Variants in LRP12 observed in about 807,000 individuals in gnomAD.
LRP12 encodes the protein low-density lipoprotein receptor-related protein 12.
A neutral mutation model predicts 66.0 loss-of-function variants in LRP12; 14 were observed. The observed-to-expected ratio is 0.21, with a 90% CI of 0.14 to 0.33. The LOEUF is 0.33. Among genes scored for constraint, LRP12 ranks in the 10% least tolerant of loss-of-function variants. LRP12 has a pLI of 1.00. For missense variants in LRP12, 889 were observed against 1,053.4 expected, an observed-to-expected ratio of 0.84 and a Z score of 2.16; for synonymous variants, 357 against 359.1, an observed-to-expected ratio of 0.99 and a Z score of 0.07.
chr8:104,587,012 AG>A (rs1812343454), intron 1 of LRP12, among the ~76,000 whole-genome samples: 1 of 152,174 alleles, frequency 6.6e-6, no homozygotes, highest in Non-Finnish European at 1.5e-5. Flanking sequence ...AAGCTTTGAT[AG>A]GCACCTACCA....
intron 2 of LRP12, among the ~76,000 whole-genome samples, chr8:104,510,237 G>T (rs977703173): frequency 6.6e-5 from 10 of 152,192 alleles, no homozygotes; most frequent in African/African-American, 2.4e-4. Flanking sequence ...GAAGTTAGTG[G>T]ATGATTGAAT....
intron 1 of LRP12, among the ~76,000 whole-genome samples, chr8:104,557,551 T>C (rs1194131365): frequency 1.3e-5 from 2 of 149,832 alleles, no homozygotes; most frequent in African/African-American, 4.9e-5. Flanking sequence ...AAATTAGGAA[T>C]ATACCTAACC....
At chr8:104,573,587 C>T (rs905794145) in intron 1 of LRP12, among the ~76,000 whole-genome samples, 22 of 152,050 alleles carry the variant, frequency 1.4e-4, no homozygotes, top group Admixed American at 2.0e-4. Flanking sequence ...TTTCTCCCCT[C>T]GGCATTTATT....
At chr8:104,513,121 C>G (rs1356523679) in intron 2 of LRP12, among the ~76,000 whole-genome samples, 2 of 152,074 alleles carry the variant, frequency 1.3e-5, no homozygotes, top group Non-Finnish European at 2.9e-5. Context: ...TGCTGTAGCA[C>G]AGCCATAATG....
At chr8:104,559,550 A>G (rs1811869566) in intron 1 of LRP12, among the ~76,000 whole-genome samples, 1 of 152,132 alleles carries the variant, frequency 6.6e-6, no homozygotes, top group East Asian at 1.9e-4. Context: ...AATCCCAGAA[A>G]TCACCACTAA....
intron 1 of LRP12, among the ~76,000 whole-genome samples, chr8:104,561,468 A>T (rs1271035391): frequency 1.3e-5 from 2 of 152,162 alleles, no homozygotes. Context: ...AAATCATTTC[A>T]TTAGGGTTGG....
chr8:104,552,421 G>A (rs1272875865), intron 1 of LRP12, among the ~76,000 whole-genome samples: 2 of 150,084 alleles, frequency 1.3e-5, no homozygotes, highest in Non-Finnish European at 3.0e-5. Flanking sequence ...TGTAATCCCA[G>A]CACTTTGGGA....
At chr8:104,531,458 G>A (rs1036227313) in intron 2 of LRP12, among the ~76,000 whole-genome samples, 6 of 152,048 alleles carry the variant, frequency 3.9e-5, no homozygotes, top group African/African-American at 1.2e-4. Context: ...ATACTGTGTT[G>A]CTTTTAACAG....
At chr8:104,495,950 A>G (rs1279032725) in intron 5 of LRP12, 1 of 152,116 alleles carries the variant, frequency 6.6e-6, no homozygotes, top group Non-Finnish European at 1.5e-5. Flanking sequence ...AAAAAAAGGA[A>G]AAAAAAGAAA....
At chr8:104,495,407 C>T (rs1463659177) in intron 5 of LRP12, 198 bp from the exon 6 acceptor site, 3 of 510,684 alleles carry the variant, frequency 5.9e-6, no homozygotes, top group Non-Finnish European at 1.0e-5. Context: ...AGTCTGTCTT[C>T]ATAGGGCTTT....
intron 1 of LRP12, among the ~76,000 whole-genome samples, chr8:104,576,944 A>T (rs907315911): frequency 6.6e-6 from 1 of 152,114 alleles, no homozygotes; most frequent in African/African-American, 2.4e-5. Flanking sequence ...GAAAAAAGCA[A>T]TCCTAGTTTC....
intron 1 of LRP12, among the ~76,000 whole-genome samples, chr8:104,583,580 G>A (rs534065081): frequency 1.3e-5 from 2 of 152,240 alleles, no homozygotes; most frequent in South Asian, 4.1e-4. Context: ...GCTCCATGAG[G>A]GCAGAAACTA....
In LRP12 at chr8:104,499,474, G is replaced by C; in HGVS notation, c.318C>G (p.Asp106Glu). Residue 106 changes from aspartate (D) to glutamate (E), a missense_variant, in exon 4 of 7, where the codon GAC (aspartate) becomes GAG (glutamate). Around this residue, in one of 3 missense-constraint regions of LRP12, gnomAD observed 800 missense variants for 964.5 expected, o/e 0.83. Transcript: ENST00000276654. ...DIQGSRRCNL[D>E]WLTIETYKNI... is the part of the protein sequence containing the mutation. The stretch of plus-strand genomic sequence containing the variant: ...TCTTGTATGTTTCTATTGTCAACCA[G>C]TCCAAATTGCACCTTCTGGATCCTT... 1 of 1,612,800 alleles carries C rather than the reference G, an allele frequency of 6.2e-7. No individual in the cohort carries two copies. The highest frequency in any genetic ancestry group is 1.1e-5 in the South Asian group (1 of 90,748).
chr8:104,516,500 G>A (rs1324017234), intron 2 of LRP12, among the ~76,000 whole-genome samples: 2 of 152,092 alleles, frequency 1.3e-5, no homozygotes, highest in Admixed American at 1.3e-4. Context: ...GAGATCCTCT[G>A]ATGGAGTTCT....
At chr8:104,547,513 T>C (rs1428200203) in intron 1 of LRP12, among the ~76,000 whole-genome samples, 2 of 124,172 alleles carry the variant, frequency 1.6e-5, no homozygotes, top group Non-Finnish European at 3.1e-5. Context: ...ATTTTGTATA[T>C]AATATATAAT....
At chr8:104,552,363 C>CGT (rs10638895) in intron 1 of LRP12, among the ~76,000 whole-genome samples, 10,718 of 149,570 alleles carry the variant, frequency 0.072, 1,071 homozygotes, top group African/African-American at 0.23. Flanking sequence ...ATAAATATGT[C>CGT]TTTTTTTTGT....
chr8:104,493,094 T>A (rs1266303651), intron 6 of LRP12, among the ~76,000 whole-genome samples: 1 of 152,176 alleles, frequency 6.6e-6, no homozygotes, highest in Non-Finnish European at 1.5e-5. Flanking sequence ...GAGGTGAAAC[T>A]CTCTATTTAG....
intron 6 of LRP12, 51 bp from the exon 7 acceptor site, chr8:104,491,590 TA>T (rs34073040): frequency 0.028 from 22,271 of 807,260 alleles, 490 homozygotes; most frequent in African/African-American, 0.16. Flanking sequence ...GGTACTAAGA[TA>T]AAAAAAAAAA....
chr8:104,581,105 A>T (rs1812242974), intron 1 of LRP12, among the ~76,000 whole-genome samples: 1 of 152,238 alleles, frequency 6.6e-6, no homozygotes, highest in Non-Finnish European at 1.5e-5. Flanking sequence ...ATGTAGTCAT[A>T]AAAAAGAACA....
Sources: gnomAD v4.1 joint callset for allele counts (sites outside exome capture counted in the v4.1 genomes callset) on GRCh38, gnomAD v4.1.1 for gene constraint, gnomAD v4.1.1 regional missense constraint, MANE v1.5 for transcripts, NCBI Gene and HGNC (gene_info 2026-07-23, HGNC 2026-07-21) for gene names.